SIPA1L1: variants seen among roughly 807,000 people sequenced by gnomAD.
SIPA1L1 encodes the protein signal-induced proliferation-associated 1-like protein 1.
A neutral mutation model predicts 162.7 loss-of-function variants in SIPA1L1; 26 were observed. The ratio of observed to expected loss-of-function variants is 0.16; its 90% CI spans 0.12 to 0.22. The LOEUF is 0.22. SIPA1L1 is among the 10% of genes least tolerant of loss of function. The probability of loss-of-function intolerance (pLI) is 1.00; values close to 1 mark genes in which losing one functional copy is unlikely to be tolerated. For synonymous variants in SIPA1L1, 829 were observed against 837.4 expected (o/e 0.99, Z 0.17); for missense variants, 1,874 against 2,241.0 (o/e 0.84, Z 3.31).
chr14:71,628,200 G>T (rs1175000117), intron 7 of SIPA1L1, among the ~76,000 whole-genome samples: 3 of 152,180 alleles, frequency 2.0e-5, no homozygotes, highest in African/African-American at 7.2e-5. Flanking sequence ...TTTAAATAAT[G>T]TAGAAAATTC....
chr14:71,572,818 AAAAGT>A (rs2032329214), intron 4 of SIPA1L1, among the ~76,000 whole-genome samples: 1 of 152,230 alleles, frequency 6.6e-6, no homozygotes, highest in African/African-American at 2.4e-5. Flanking sequence ...TAAGTTCGGG[AAAAGT>A]AAAGTAAGCA....
intron 2 of SIPA1L1, among the ~76,000 whole-genome samples, chr14:71,344,341 C>G (rs1298468103): frequency 6.6e-6 from 1 of 152,160 alleles, no homozygotes; most frequent in Non-Finnish European, 1.5e-5. Flanking sequence ...TGATGCTTAA[C>G]TCAAGGTTAT....
At chr14:71,435,050 A>G (rs1468855594) in intron 2 of SIPA1L1, among the ~76,000 whole-genome samples, 1 of 152,174 alleles carries the variant, frequency 6.6e-6, no homozygotes, top group Non-Finnish European at 1.5e-5. Context: ...TGAGCTTGCA[A>G]GTATGCAGTT....
chr14:71,371,725 T>C (rs925900588), intron 2 of SIPA1L1, among the ~76,000 whole-genome samples: 12 of 152,188 alleles, frequency 7.9e-5, no homozygotes, highest in African/African-American at 2.9e-4. Flanking sequence ...TATTAAAATA[T>C]CTATTATTAT....
chr14:71,325,733 G>A (rs898769243), intron 2 of SIPA1L1, among the ~76,000 whole-genome samples: 8 of 152,196 alleles, frequency 5.3e-5, no homozygotes, highest in African/African-American at 1.4e-4. Context: ...AAAGTCAGGC[G>A]AAGCCATTTC....
chr14:71,481,518 CAA>C (rs892249571), intron 2 of SIPA1L1, among the ~76,000 whole-genome samples: 1 of 144,550 alleles, frequency 6.9e-6, no homozygotes, highest in South Asian at 2.2e-4. Context: ...ACAACAACAG[CAA>C]AAAAAAAAGT....
intron 2 of SIPA1L1, among the ~76,000 whole-genome samples, chr14:71,367,425 G>C (rs539533268): frequency 1.3e-5 from 2 of 150,834 alleles, no homozygotes; most frequent in African/African-American, 4.9e-5. Flanking sequence ...TCCTGCCTCA[G>C]CCTCTCTAGT....
At chr14:71,599,460 CT>C (rs111750084) in intron 5 of SIPA1L1, among the ~76,000 whole-genome samples, 60,013 of 130,264 alleles carry the variant, frequency 0.46, 13,465 homozygotes, top group Admixed American at 0.53. Context: ...CGATTTCATT[CT>C]TTTTTTTTTT....
chr14:71,604,210 G>T (rs1251442511), intron 5 of SIPA1L1, among the ~76,000 whole-genome samples: 3 of 151,546 alleles, frequency 2.0e-5, no homozygotes, highest in African/African-American at 7.3e-5. Context: ...TGTTGCCCTG[G>T]CTGGTCTTGA....
At chr14:71,648,520 TATA>T (rs2042360321) in intron 7 of SIPA1L1, among the ~76,000 whole-genome samples, 1 of 152,192 alleles carries the variant, frequency 6.6e-6, no homozygotes, top group African/African-American at 2.4e-5. Flanking sequence ...AGTCCCTTAA[TATA>T]AAGTGGCAGG....
intron 4 of SIPA1L1, among the ~76,000 whole-genome samples, chr14:71,585,915 A>G (rs748900124): frequency 6.6e-6 from 1 of 152,178 alleles, no homozygotes; most frequent in Non-Finnish European, 1.5e-5. Context: ...ATGGCCATAT[A>G]TGCTGTCCTT....
intron 7 of SIPA1L1, among the ~76,000 whole-genome samples, chr14:71,638,176 A>G (rs936250429): frequency 1.3e-5 from 2 of 152,260 alleles, no homozygotes; most frequent in Non-Finnish European, 2.9e-5. Flanking sequence ...AGAAAATACA[A>G]GATAAGAAAC....
intron 2 of SIPA1L1, among the ~76,000 whole-genome samples, chr14:71,490,492 G>A (rs1035764855): frequency 6.6e-6 from 1 of 151,970 alleles, no homozygotes. Flanking sequence ...ATCAAAATAA[G>A]TATTTTTAAA....
intron 2 of SIPA1L1, among the ~76,000 whole-genome samples, chr14:71,474,430 G>A (rs184247524): frequency 1.3e-5 from 2 of 152,300 alleles, no homozygotes; most frequent in Admixed American, 1.3e-4. Flanking sequence ...TCCTTTGCAA[G>A]TAATTGACTT....
At chr14:71,388,947 TTTG>T (rs2040546040) in intron 2 of SIPA1L1, among the ~76,000 whole-genome samples, 3 of 152,144 alleles carry the variant, frequency 2.0e-5, no homozygotes, top group Admixed American at 2.0e-4. Flanking sequence ...GTTTTTAGTT[TTTG>T]TTGTTGTTTG....
At chr14:71,411,421 T>C (rs2042395571) in intron 2 of SIPA1L1, among the ~76,000 whole-genome samples, 1 of 152,182 alleles carries the variant, frequency 6.6e-6, no homozygotes, top group Non-Finnish European at 1.5e-5. Flanking sequence ...TGATAGATAT[T>C]GAGAAGTTGT....
chr14:71,710,982 T>A (rs375275390), intron 17 of SIPA1L1, among the ~76,000 whole-genome samples: 1 of 152,190 alleles, frequency 6.6e-6, no homozygotes, highest in African/African-American at 2.4e-5. Flanking sequence ...CTTGACCAGC[T>A]AAGTATTTTG....
At chr14:71,702,184 G>C (rs1366857887) in intron 14 of SIPA1L1, 197 bp from the exon 15 acceptor site, 1 of 547,358 alleles carries the variant, frequency 1.8e-6, no homozygotes, top group Non-Finnish European at 3.3e-6. Flanking sequence ...TTTTTGAGCA[G>C]AGTGGTGTAT....
chr14:71,400,410 T>C (rs146900663), intron 2 of SIPA1L1, among the ~76,000 whole-genome samples: 47 of 152,316 alleles, frequency 3.1e-4, no homozygotes, highest in African/African-American at 1.1e-3. Context: ...AAGCATTTTT[T>C]ATTTTTTTAT....
Sources: allele counts gnomAD v4.1 joint callset (sites outside exome capture counted in the v4.1 genomes callset), GRCh38; gene constraint gnomAD v4.1.1; transcripts MANE v1.5; gene names NCBI Gene and HGNC (gene_info 2026-07-23, HGNC 2026-07-21).